KIAA1755: variants seen among roughly 807,000 people sequenced by gnomAD.
KIAA1755 encodes the protein uncharacterized protein KIAA1755.
In KIAA1755, 68 loss-of-function variants were observed where a neutral mutation model predicts 91.7. The ratio of observed to expected loss-of-function variants is 0.74; its 90% CI spans 0.61 to 0.91. The LOEUF (loss-of-function observed/expected upper bound fraction) is 0.91. Ranked by LOEUF, KIAA1755 falls within the 40% of genes least tolerant of loss-of-function variation. The pLI is 0.00. For missense variants in KIAA1755, 1,535 were observed against 1,494.4 expected (o/e 1.03, Z -0.45); for synonymous variants, 610 against 604.6 (o/e 1.01, Z -0.13).
chr20:38,241,470 T>G lies in KIAA1755; in HGVS notation c.661A>C (p.Ser221Arg). 1 of 1,614,248 alleles carries G rather than the reference T, an allele frequency of 6.2e-7. No homozygotes were observed. The highest frequency in any genetic ancestry group is 8.5e-7 in the Non-Finnish European group (1 of 1,180,050). ...GGAAGCACCTGGTTGTCTGGGGAGC[T>G]GGCCTGGTGCAACTCTTGAGGGCTG... Reference protein sequence around the residue: ...LSSPQELHQASSPDNQVLPAQ... With the variant: ...LSSPQELHQARSPDNQVLPAQ... The change falls in exon 3 of 14, where the codon AGC (serine) becomes CGC (arginine). Residue 221 changes from serine (S) to arginine (R), a missense_variant. Physicochemically the swap from Ser to Arg is moderately radical, Grantham distance 110. Transcript: ENST00000279024.
intron 2 of KIAA1755, among the ~76,000 whole-genome samples, chr20:38,243,360 C>G (rs1425692340): frequency 6.6e-6 from 1 of 152,156 alleles, no homozygotes; most frequent in African/African-American, 2.4e-5. Flanking sequence ...TATCCATAAA[C>G]CTTCATGAGT....
intron 4 of KIAA1755, among the ~76,000 whole-genome samples, chr20:38,234,395 C>A (rs1206296338): frequency 6.6e-6 from 1 of 152,186 alleles, no homozygotes; most frequent in East Asian, 1.9e-4. Flanking sequence ...CAAATGTAGG[C>A]CTCTGTGAGA....
intron 10 of KIAA1755, 141 bp downstream of exon 10, chr20:38,222,308 G>C: frequency 1.2e-6 from 1 of 854,102 alleles, no homozygotes; most frequent in South Asian, 1.6e-5. Flanking sequence ...GCGTCAGCCT[G>C]GGATACAGGC....
In KIAA1755 at chr20:38,213,484, T is replaced by TGGGTCA; in HGVS notation, c.3155_3160dup (p.Leu1052_Thr1053dup). 6.2e-7 allele frequency: 1 copy of TGGGTCA among 1,607,538 alleles called. No individual in the cohort carries two copies. Among genetic ancestry groups the TGGGTCA allele is most frequent in the Non-Finnish European group, 8.5e-7 (1 of 1,177,204 alleles). ...AGCTGGAGCCTCTGGGCAAGAGCTGTGGGTCAGTGCCTTCTCCAGGAGCAT... is the reference window on the plus strand; with the variant it reads ...AGCTGGAGCCTCTGGGCAAGAGCTGTGGGTCAGGGTCAGTGCCTTCTCCAGGAGCAT... On this transcript the variant is annotated inframe_insertion, in exon 14 of 14. Transcript: ENST00000279024.
At chr20:38,259,427 T>C (rs1316536670) in intron 1 of KIAA1755, among the ~76,000 whole-genome samples, 1 of 151,360 alleles carries the variant, frequency 6.6e-6, no homozygotes, top group Non-Finnish European at 1.5e-5. Flanking sequence ...AGTGGGAGCA[T>C]TCAGGTGTGC....
At chr20:38,214,875 G>C (rs1467743402) in intron 13 of KIAA1755, among the ~76,000 whole-genome samples, 2 of 152,240 alleles carry the variant, frequency 1.3e-5, no homozygotes, top group African/African-American at 4.8e-5. Flanking sequence ...TAGGCTGTAG[G>C]GATTGGAGAA....
intron 4 of KIAA1755, among the ~76,000 whole-genome samples, chr20:38,232,168 G>A (rs1468172017): frequency 6.6e-6 from 1 of 152,176 alleles, no homozygotes; most frequent in African/African-American, 2.4e-5. Flanking sequence ...ATGACCACCA[G>A]CCACTCCACG....
At chr20:38,214,711 C>T (rs544275310) in intron 13 of KIAA1755, among the ~76,000 whole-genome samples, 2 of 152,372 alleles carry the variant, frequency 1.3e-5, no homozygotes, top group African/African-American at 4.8e-5. Context: ...AGGCCCCCTC[C>T]CTCCAGCCGA....
Position 38,217,413 on chromosome 20 carries a change from C to G in KIAA1755, c.2741G>C (p.Arg914Thr), listed in dbSNP as rs2075568127. Residue 914 changes from arginine to threonine, a missense_variant, in exon 13 of 14, where the codon AGA (arginine) becomes ACA (threonine). Physicochemically the swap from Arg to Thr is moderately conservative, Grantham distance 71. Transcript: ENST00000279024. The part of the protein sequence containing the change: ...KQAAQLGATA[R>T]GAGEAERAEF... ...TGCACGTTCTGCCTCCCCAGCCCCT[C>G]TGGCTGTAGCTCCCAGCTGAGCGGC... 1 of 1,613,094 alleles carries G rather than the reference C, an allele frequency of 6.2e-7. No individual in the cohort carries two copies. Among genetic ancestry groups the G allele is most frequent in the Non-Finnish European group, 8.5e-7 (1 of 1,179,716 alleles).
At position 38,227,146 on chromosome 20, in the gene KIAA1755, C is replaced by T. The variant is rs765336086; in HGVS notation, c.2052+8G>A. ...CTTCCTCAACCGCCGACCCTGAGTC[C>T]CCCTCACCTGGACGTCAGGTAATGT... On this transcript the variant is annotated splice_region_variant and intron_variant, in intron 7 of 13. Transcript: ENST00000279024. 18 of 1,611,272 alleles carry T rather than the reference C, an allele frequency of 1.1e-5. No homozygotes were observed. Among genetic ancestry groups the T allele is most frequent in the Non-Finnish European group, 1.4e-5 (16 of 1,177,878 alleles).
intron 2 of KIAA1755, among the ~76,000 whole-genome samples, chr20:38,244,195 A>C (rs1477256715): frequency 1.3e-5 from 2 of 152,234 alleles, no homozygotes; most frequent in Admixed American, 6.5e-5. Context: ...AAATAAGGGA[A>C]GTGGGCAATT....
rs3746471 is a variant in KIAA1755, at chr20:38,213,512, G to A, written c.3133C>T (p.Arg1045Trp). The A allele has an allele frequency of 0.44, 702,542 of 1,608,670 alleles. 157,529 individuals carry two copies. Among genetic ancestry groups the A allele is most frequent in the Non-Finnish European group, 0.46 (547,079 of 1,177,940 alleles). ...GTCAGTGCCTTCTCCAGGAGCATCC[G>A]GATCTCCTCATGCCTGATCCGGGCC... Reference protein sequence around the residue: ...EEARIRHEEIRMLLEKALTHS... With the variant: ...EEARIRHEEIWMLLEKALTHS... The change falls in exon 14 of 14, where the codon CGG (arginine) becomes TGG (tryptophan). Residue 1045 changes from arginine (R) to tryptophan (W), a missense_variant. Coordinates refer to ENST00000279024, the MANE Select transcript of KIAA1755 (RefSeq NM_001029864.2).
At chr20:38,253,047 C>A (rs13036561) in intron 1 of KIAA1755, among the ~76,000 whole-genome samples, 20,044 of 149,940 alleles carry the variant, frequency 0.13, 1,662 homozygotes, top group South Asian at 0.25. Flanking sequence ...TCCATTCCTT[C>A]CCAGTGAACA....
chr20:38,230,785 G>C (rs1272698318), intron 5 of KIAA1755, among the ~76,000 whole-genome samples: 1 of 152,084 alleles, frequency 6.6e-6, no homozygotes, highest in African/African-American at 2.4e-5. Context: ...CTACTCGGGA[G>C]GCTGAGGCAG....
In KIAA1755 at chr20:38,230,372, T is replaced by A. The variant is rs559001580; in HGVS notation, c.1871+830A>T. Among the ~76,000 whole-genome samples, 4 of 152,326 alleles carry A rather than the reference T, an allele frequency of 2.6e-5. No individual in the cohort carries two copies. In the South Asian group the frequency reaches 8.3e-4, roughly 32 times the overall value. On this transcript the variant is annotated intron_variant, in intron 5 of 13. Transcript: ENST00000279024. ...AATTATCACCTCCTCAGGGAAGCCTTCCCTGATTTCCCAATTGAAATTAAC... is the reference window on the plus strand; with the variant it reads ...AATTATCACCTCCTCAGGGAAGCCTACCCTGATTTCCCAATTGAAATTAAC...
chr20:38,215,029 T>C (rs1481471671), intron 13 of KIAA1755, among the ~76,000 whole-genome samples: 3 of 152,186 alleles, frequency 2.0e-5, no homozygotes, highest in Admixed American at 6.5e-5. Flanking sequence ...TGTGTTATTA[T>C]TATTTAGGAC....
chr20:38,229,002 C>G (rs1039330077), intron 5 of KIAA1755, among the ~76,000 whole-genome samples: 1 of 152,202 alleles, frequency 6.6e-6, no homozygotes, highest in Non-Finnish European at 1.5e-5. Context: ...CACCCTACTC[C>G]TCTCCCATCC....
Position 38,246,053 on chromosome 20 carries a change from G to A in KIAA1755, c.77C>T (p.Pro26Leu). The A allele has an allele frequency of 1.9e-6, 3 of 1,614,172 alleles. No homozygotes were observed. Among genetic ancestry groups the A allele is most frequent in the Non-Finnish European group, 2.5e-6 (3 of 1,180,020 alleles). ...ACGGAACACCTGACCCAGGACGGTG[G>A]GTGCTGTGGCCTCGAAAGGAGGATA... is the stretch of plus-strand genomic sequence containing the variant. ...GLYPPFEATAPTVLGQVFRLL... is the reference protein window; with the variant it reads ...GLYPPFEATALTVLGQVFRLL... The change falls in exon 2 of 14, where the codon CCC (proline) becomes CTC (leucine). Residue 26 changes from proline (P) to leucine (L), a missense_variant. Transcript: ENST00000279024.
At chr20:38,258,290 A>ATTGATTTAAAGT (rs1160597523) in intron 1 of KIAA1755, among the ~76,000 whole-genome samples, 2 of 152,236 alleles carry the variant, frequency 1.3e-5, no homozygotes, top group Non-Finnish European at 2.9e-5. Flanking sequence ...CAGTGTACAA[A>ATTGATTTAAAGT]GTAAGTTGAT....
Sources: allele counts gnomAD v4.1 joint callset (sites outside exome capture counted in the v4.1 genomes callset), GRCh38; gene constraint gnomAD v4.1.1; transcripts MANE v1.5; gene names NCBI Gene and HGNC (gene_info 2026-07-23, HGNC 2026-07-21).